Variants in HTR1F observed in about 807,000 individuals in gnomAD.
HTR1F encodes 5-hydroxytryptamine receptor 1F.
Under a neutral mutation model 24.0 loss-of-function variants are expected in HTR1F, and 17 were observed. The ratio of observed to expected loss-of-function variants is 0.71; its 90% CI spans 0.48 to 1.06. The LOEUF (loss-of-function observed/expected upper bound fraction) is 1.06, where lower values mean the gene tolerates loss of function less well. HTR1F is among the 50% of genes least tolerant of loss of function. The pLI is 0.00. For missense variants in HTR1F, 391 were observed against 427.8 expected, an observed-to-expected ratio of 0.91 and a Z score of 0.76; for synonymous variants, 186 against 156.8, an observed-to-expected ratio of 1.19 and a Z score of -1.39.
intron 2 of HTR1F, among the ~76,000 whole-genome samples, chr3:87,905,137 G>A (rs1342826825): frequency 2.0e-5 from 3 of 151,394 alleles, no homozygotes; most frequent in African/African-American, 7.3e-5. Flanking sequence ...GCAAAACCCT[G>A]TCTCTGAAAA....
At chr3:87,796,248 G>A (rs2107052752) in intron 1 of HTR1F, among the ~76,000 whole-genome samples, 2 of 146,932 alleles carry the variant, frequency 1.4e-5, no homozygotes, top group Middle Eastern at 3.5e-3. Context: ...GTGGGTGTTG[G>A]AAGGAAAGGA....
intron 2 of HTR1F, among the ~76,000 whole-genome samples, chr3:87,938,628 A>G (rs1704485905): frequency 6.6e-6 from 1 of 152,186 alleles, no homozygotes; most frequent in South Asian, 2.1e-4. Flanking sequence ...GCCTAGAAGT[A>G]AGGCTGCACA....
chr3:87,853,605 C>T (rs914552604), intron 2 of HTR1F, among the ~76,000 whole-genome samples: 1 of 152,008 alleles, frequency 6.6e-6, no homozygotes, highest in African/African-American at 2.4e-5. Context: ...ATTGCTGAGT[C>T]GAATGGTATT....
intron 2 of HTR1F, among the ~76,000 whole-genome samples, chr3:87,908,020 A>G (rs567984301): frequency 6.6e-6 from 1 of 152,110 alleles, no homozygotes; most frequent in Non-Finnish European, 1.5e-5. Flanking sequence ...ATTTCAAGTC[A>G]TCTATCCTAA....
At chr3:87,894,058 G>T (rs572594864) in intron 2 of HTR1F, among the ~76,000 whole-genome samples, 1 of 150,470 alleles carries the variant, frequency 6.6e-6, no homozygotes, top group Non-Finnish European at 1.5e-5. Context: ...GGTGGTATTT[G>T]GTTCCCCATA....
chr3:87,948,804 T>A (rs951317187), intron 2 of HTR1F, among the ~76,000 whole-genome samples: 18 of 152,206 alleles, frequency 1.2e-4, no homozygotes, highest in Non-Finnish European at 1.5e-5. Context: ...TATTTTAATA[T>A]TACTATTTGA....
chr3:87,889,273 C>A (rs1223148510), intron 2 of HTR1F, among the ~76,000 whole-genome samples: 2 of 152,098 alleles, frequency 1.3e-5, no homozygotes, highest in Non-Finnish European at 2.9e-5. Context: ...TACCCAGCCT[C>A]ATGTATTCCT....
intron 2 of HTR1F, among the ~76,000 whole-genome samples, chr3:87,869,443 A>AGAT (rs879484093): frequency 0.066 from 7,523 of 114,786 alleles, 227 homozygotes; most frequent in African/African-American, 0.12. Context: ...ATACATAGAT[A>AGAT]GATAGATAGA....
chr3:87,883,256 A>G (rs1374153923), intron 2 of HTR1F, among the ~76,000 whole-genome samples: 2 of 152,194 alleles, frequency 1.3e-5, no homozygotes, highest in Non-Finnish European at 1.5e-5. Flanking sequence ...AAACTAACAA[A>G]CAGAAAGGAA....
intron 2 of HTR1F, among the ~76,000 whole-genome samples, chr3:87,824,839 G>T (rs1264953748): frequency 6.6e-6 from 1 of 152,130 alleles, no homozygotes; most frequent in Non-Finnish European, 1.5e-5. Flanking sequence ...TTCAACTCAA[G>T]ATAATTCTAT....
intron 2 of HTR1F, among the ~76,000 whole-genome samples, chr3:87,928,280 A>C (rs1704176601): frequency 6.6e-6 from 1 of 152,072 alleles, no homozygotes; most frequent in Non-Finnish European, 1.5e-5. Flanking sequence ...TCCTGTCCTC[A>C]AGTGATCCAC....
In HTR1F at chr3:87,817,453, A is replaced by G. The variant is rs1440954248; in HGVS notation, c.-159-4555A>G. Among the ~76,000 whole-genome samples the G allele has an allele frequency of 3.3e-5, 5 of 152,328 alleles. No homozygotes were observed. The East Asian group carries it at 9.6e-4, about 29-fold the overall frequency. On this transcript the variant is annotated intron_variant, in intron 1 of 2. Coordinates refer to ENST00000319595, the MANE Select transcript of HTR1F (RefSeq NM_001322209.2). ...CAGAAGCAATACAAAGTTGATATTC[A>G]ATTAGAAAAGTCAGGCAACAGTTCT...
Position 87,956,932 on chromosome 3 carries a change from T to C in HTR1F, c.-42-33776T>C, listed in dbSNP as rs1300161102. 2.0e-5 allele frequency among the ~76,000 whole-genome samples: 3 copies of C among 151,266 alleles called. No homozygotes were observed. In the East Asian group the frequency reaches 5.8e-4, roughly 29 times the overall value. On this transcript the variant is annotated intron_variant, in intron 2 of 2. Coordinates refer to ENST00000319595, the MANE Select transcript of HTR1F (RefSeq NM_001322209.2). ...CCAAATGGAGACAGTGTTATCTTTT[T>C]TTTCTGATCCTCATGAATTATTTTC... is the stretch of plus-strand genomic sequence containing the variant.
chr3:87,931,167 T>A (rs1209735161), intron 2 of HTR1F, among the ~76,000 whole-genome samples: 5 of 152,022 alleles, frequency 3.3e-5, no homozygotes, highest in African/African-American at 1.2e-4. Flanking sequence ...CATTTAGCAT[T>A]AGGTATATCC....
At chr3:87,872,709 T>C (rs939464655) in intron 2 of HTR1F, among the ~76,000 whole-genome samples, 1 of 151,884 alleles carries the variant, frequency 6.6e-6, no homozygotes, top group Non-Finnish European at 1.5e-5. Flanking sequence ...ATGGATAAAG[T>C]CCTAGAAATA....
intron 2 of HTR1F, among the ~76,000 whole-genome samples, chr3:87,917,881 T>C (rs1703929606): frequency 6.6e-6 from 1 of 151,994 alleles, no homozygotes. Flanking sequence ...GAAGCCAGTA[T>C]CACCCTAATA....
intron 1 of HTR1F, among the ~76,000 whole-genome samples, chr3:87,800,520 T>C (rs1559587493): frequency 6.6e-6 from 1 of 152,238 alleles, no homozygotes. Context: ...TAAATATCCA[T>C]AGTGCATTCA....
intron 2 of HTR1F, among the ~76,000 whole-genome samples, chr3:87,874,071 A>T (rs1705616818): frequency 6.6e-6 from 1 of 152,146 alleles, no homozygotes; most frequent in African/African-American, 2.4e-5. Flanking sequence ...GGAACAAGAC[A>T]AGGAGATGTC....
chr3:87,955,912 A>T (rs1014909280), intron 2 of HTR1F, among the ~76,000 whole-genome samples: 3 of 151,386 alleles, frequency 2.0e-5, no homozygotes, highest in Admixed American at 6.6e-5. Flanking sequence ...CTTATTGTTA[A>T]CTTATAAGAG....
Sources: gnomAD v4.1 joint callset for allele counts (sites outside exome capture counted in the v4.1 genomes callset) on GRCh38, gnomAD v4.1.1 for gene constraint, MANE v1.5 for transcripts, NCBI Gene and HGNC (gene_info 2026-07-23, HGNC 2026-07-21) for gene names.